The following MYPN variants were observed in gnomAD, a reference collection of about 807,000 sequenced individuals.
MYPN encodes the protein myopalladin.
A neutral mutation model predicts 129.4 loss-of-function variants in MYPN; 63 were observed. That is an observed-to-expected ratio of 0.49 (90% CI 0.40 to 0.60). The LOEUF (loss-of-function observed/expected upper bound fraction) is 0.60, where lower values mean the gene tolerates loss of function less well. Ranked by LOEUF, MYPN falls within the 20% of genes least tolerant of loss-of-function variation. MYPN has a pLI of 0.00. For synonymous variants in MYPN, 629 were observed against 600.9 expected (o/e 1.05, Z -0.68); for missense variants, 1,596 against 1,635.4 (o/e 0.98, Z 0.42).
At chr10:68,201,702 G>C (rs2043714801) in intron 17 of MYPN, 127 bp from the exon 18 acceptor site, 1 of 999,860 alleles carries the variant, frequency 1.0e-6, no homozygotes, top group South Asian at 1.5e-5. Flanking sequence ...TGGCAGGGGA[G>C]GGGTGCAGGC....
intron 4 of MYPN, among the ~76,000 whole-genome samples, chr10:68,147,013 T>C (rs1182510451): frequency 6.6e-6 from 1 of 152,178 alleles, no homozygotes; most frequent in Non-Finnish European, 1.5e-5. Context: ...CAGTCTGGTA[T>C]TGAGTGTCAC....
At chr10:68,178,892 G>A (rs1441336072) in intron 12 of MYPN, among the ~76,000 whole-genome samples, 2 of 151,298 alleles carry the variant, frequency 1.3e-5, no homozygotes, top group East Asian at 3.9e-4. Flanking sequence ...CCCAGCTAAT[G>A]TCTTATTCCA....
upstream of MYPN, among the ~76,000 whole-genome samples, chr10:68,105,245 G>A (rs1259065226): frequency 6.6e-6 from 1 of 152,140 alleles, no homozygotes; most frequent in African/African-American, 2.4e-5. Context: ...TTCTTTCTAA[G>A]CCTCAAGTTT....
Position 68,121,542 on chromosome 10 carries a change from C to G in MYPN, c.104C>G (p.Ala35Gly). The stretch of plus-strand genomic sequence containing the variant: ...CGGGGAAACAATGAGAGGAGTCGAG[C>G]GGAGCCCTCCTCCAACCCTTGCCAT... ...RHRGNNERSR[A>G]EPSSNPCHFG... Residue 35 changes from alanine to glycine, a missense_variant, in exon 2 of 20, where the codon GCG (alanine) becomes GGG (glycine). By Grantham distance (60) the Ala-to-Gly change is moderately conservative (BLOSUM62 0). Coordinates refer to ENST00000358913, the MANE Select transcript of MYPN (RefSeq NM_032578.4). 1.9e-6 allele frequency: 3 copies of G among 1,614,134 alleles called. No homozygotes were observed. In the East Asian group the frequency reaches 6.7e-5, roughly 36 times the overall value.
intron 13 of MYPN, among the ~76,000 whole-genome samples, chr10:68,189,783 G>T (rs141170699): frequency 6.6e-6 from 1 of 152,298 alleles, no homozygotes; most frequent in South Asian, 2.1e-4. Context: ...GGACACATAG[G>T]TTGATTCTGT....
In MYPN at chr10:68,121,727, A is replaced by C. The variant is rs753677566; in HGVS notation, c.289A>C (p.Arg97=). 3 of 1,614,252 alleles carry C rather than the reference A, an allele frequency of 1.9e-6. No individual in the cohort carries two copies. The Admixed American group carries it at 5.0e-5, about 27-fold the overall frequency. Residue 97 remains arginine, a synonymous_variant, in exon 2 of 20, where the codon AGA becomes CGA. Transcript: ENST00000358913. ...GGAGAAGGCAGATGAAACTCAAGCT[A>C]GAAAACGACTTTCTCCTGATCAGAT... ...PLEKADETQA[R]KRLSPDQMKH... is the part of the protein sequence containing the mutation.
Position 68,121,473 on chromosome 10 carries a change from T to C in MYPN, c.35T>C (p.Ile12Thr), listed in dbSNP as rs869025490. ...QDDSIEASTS[I>T]SQLLRESYLA... ...GACAGCATAGAAGCTTCTACTTCCATATCTCAGCTTCTAAGAGAGAGCTAT... is the reference window on the plus strand; with the variant it reads ...GACAGCATAGAAGCTTCTACTTCCACATCTCAGCTTCTAAGAGAGAGCTAT... Residue 12 changes from isoleucine (I) to threonine (T), a missense_variant, in exon 2 of 20, where the codon ATA becomes ACA. Physicochemically the swap from Ile to Thr is moderately conservative, Grantham distance 89. Coordinates refer to ENST00000358913, the MANE Select transcript of MYPN (RefSeq NM_032578.4). 1.3e-5 allele frequency: 21 copies of C among 1,613,352 alleles called. No individual in the cohort carries two copies. The highest frequency in any genetic ancestry group is 1.7e-5 in the Non-Finnish European group (20 of 1,179,658).
In MYPN at chr10:68,097,337, C is replaced by G. The variant is rs147320573; in HGVS notation, c.-2+9345C>G. ...CCAAGGACTGAATCAGTCTGGAAAC[C>G]TGAACTGCTGCTGTGTCTGACTCAT... On this transcript the variant is annotated intron_variant, in intron 1 of 6. Transcript: ENST00000685154. 2.0e-3 allele frequency among the ~76,000 whole-genome samples: 302 copies of G among 152,294 alleles called. 2 individuals carry two copies. Among genetic ancestry groups the G allele is most frequent in the African/African-American group, 7.0e-3 (291 of 41,572 alleles).
chr10:68,136,275 T>A, intron 2 of MYPN: 1 of 987,260 alleles, frequency 1.0e-6, no homozygotes, highest in Non-Finnish European at 1.2e-6. Context: ...TGGGTCCTTT[T>A]CTTTAACCAT....
chr10:68,096,490 A>T (rs1306772088), intron 1 of MYPN, among the ~76,000 whole-genome samples: 1 of 152,234 alleles, frequency 6.6e-6, no homozygotes, highest in Non-Finnish European at 1.5e-5. Flanking sequence ...TGAACCTGGG[A>T]GGCGGAGGTT....
chr10:68,141,734 A>G (rs2042582027), intron 2 of MYPN, among the ~76,000 whole-genome samples: 1 of 152,078 alleles, frequency 6.6e-6, no homozygotes, highest in Non-Finnish European at 1.5e-5. Flanking sequence ...TTGTAAGGTC[A>G]TTTTCACAAG....
intron 12 of MYPN, among the ~76,000 whole-genome samples, chr10:68,178,481 G>C (rs371478492): frequency 3.3e-5 from 5 of 151,960 alleles, no homozygotes; most frequent in Non-Finnish European, 7.4e-5. Context: ...TTGGGAGGCC[G>C]AGACAGGCGG....
chr10:68,134,807 A>C (rs937033272), intron 2 of MYPN, among the ~76,000 whole-genome samples: 1 of 152,020 alleles, frequency 6.6e-6, no homozygotes, highest in African/African-American at 2.4e-5. Flanking sequence ...AAAATAAATT[A>C]ATTAATTAAT....
intron 2 of MYPN, among the ~76,000 whole-genome samples, chr10:68,137,259 T>C (rs2042501777): frequency 6.6e-6 from 1 of 152,230 alleles, no homozygotes; most frequent in Non-Finnish European, 1.5e-5. Flanking sequence ...ATCCTCACAT[T>C]GGCTTCTGCA....
intron 19 of MYPN, among the ~76,000 whole-genome samples, chr10:68,209,262 G>A (rs928646439): frequency 5.9e-5 from 9 of 152,276 alleles, no homozygotes; most frequent in African/African-American, 9.6e-5. Flanking sequence ...CAGATAGCTC[G>A]CTCAGGCCAT....
chr10:68,154,825 T>C (rs980600672), intron 6 of MYPN, among the ~76,000 whole-genome samples: 9 of 152,200 alleles, frequency 5.9e-5, no homozygotes, highest in Admixed American at 4.6e-4. Flanking sequence ...TCAACTCACG[T>C]TTATAGCAGT....
intron 4 of MYPN, among the ~76,000 whole-genome samples, chr10:68,147,834 T>C (rs769063557): frequency 1.3e-5 from 2 of 152,200 alleles, no homozygotes; most frequent in African/African-American, 2.4e-5. Flanking sequence ...TCAAATACTC[T>C]CTTTAATTTA....
chr10:68,167,951 C>G lies in MYPN; in HGVS notation c.1973+1285C>G, dbSNP rs189176643. On this transcript the variant is annotated intron_variant, in intron 10 of 19. Coordinates refer to ENST00000358913, the MANE Select transcript of MYPN (RefSeq NM_032578.4). ...AAGAACTAGAGAGGCGGGAACTGGG[C>G]CTTTTCACCTGTCACTCAGGATCAC... 2.7e-3 allele frequency among the ~76,000 whole-genome samples: 418 copies of G among 152,258 alleles called. 2 individuals are homozygous for G. Among genetic ancestry groups the G allele is most frequent in the Admixed American group, 0.021 (316 of 15,290 alleles).
intron 2 of MYPN, among the ~76,000 whole-genome samples, chr10:68,132,380 T>C (rs1319406357): frequency 1.3e-5 from 2 of 152,214 alleles, no homozygotes; most frequent in African/African-American, 4.8e-5. Context: ...ATTTCAAGAT[T>C]TGGTTTGCTA....
Sources: allele counts gnomAD v4.1 joint callset (sites outside exome capture counted in the v4.1 genomes callset), GRCh38; gene constraint gnomAD v4.1.1; transcripts MANE v1.5; gene names NCBI Gene and HGNC (gene_info 2026-07-23, HGNC 2026-07-21).